EAPP: variants seen among roughly 807,000 people sequenced by gnomAD.
EAPP encodes E2F-associated phosphoprotein.
A neutral mutation model predicts 34.3 loss-of-function variants in EAPP; 38 were observed. The ratio of observed to expected loss-of-function variants is 1.11; its 90% CI spans 0.85 to 1.45. The LOEUF is 1.45. EAPP is among the 40% of genes most tolerant of loss of function. The pLI is 0.00. For missense variants in EAPP, 338 were observed against 343.7 expected, an observed-to-expected ratio of 0.98 and a Z score of 0.13; for synonymous variants, 113 against 117.6, an observed-to-expected ratio of 0.96 and a Z score of 0.25.
At chr14:34,523,525 C>T (rs1295933904) in intron 5 of EAPP, among the ~76,000 whole-genome samples, 4 of 110,558 alleles carry the variant, frequency 3.6e-5, no homozygotes, top group East Asian at 2.3e-4. Context: ...ACGCCCAGCC[C>T]GTTTTTTTTT....
At chr14:34,538,143 C>T (rs148867630) in intron 1 of EAPP, among the ~76,000 whole-genome samples, 250 of 152,178 alleles carry the variant, frequency 1.6e-3, no homozygotes, top group Middle Eastern at 3.4e-3. Flanking sequence ...TTTGGGAGCC[C>T]GACGCAGGCA....
At chr14:34,537,674 C>G (rs1880521025) in intron 1 of EAPP, among the ~76,000 whole-genome samples, 1 of 152,230 alleles carries the variant, frequency 6.6e-6, no homozygotes, top group South Asian at 2.1e-4. Flanking sequence ...TCTCCAAGCT[C>G]AAGTAGTCTT....
At chr14:34,537,664 T>C (rs923453751) in intron 1 of EAPP, among the ~76,000 whole-genome samples, 2 of 152,212 alleles carry the variant, frequency 1.3e-5, no homozygotes, top group Non-Finnish European at 2.9e-5. Flanking sequence ...AGAGGTGGAT[T>C]CTCCAAGCTC....
At chr14:34,534,621 T>A (rs1375574369) in intron 2 of EAPP, among the ~76,000 whole-genome samples, 9 of 152,204 alleles carry the variant, frequency 5.9e-5, no homozygotes, top group African/African-American at 2.2e-4. Context: ...GTGTCTTTTT[T>A]TTTTAACTCG....
chr14:34,526,054 T>A (rs1157484725), intron 4 of EAPP, among the ~76,000 whole-genome samples: 1 of 150,898 alleles, frequency 6.6e-6, no homozygotes, highest in Non-Finnish European at 1.5e-5. Flanking sequence ...TAATAATGTA[T>A]CAATATTAGT....
At chr14:34,521,510 T>G (rs1320980399) in intron 5 of EAPP, among the ~76,000 whole-genome samples, 1 of 150,126 alleles carries the variant, frequency 6.7e-6, no homozygotes, top group Non-Finnish European at 1.5e-5. Flanking sequence ...CTCCTCTGAT[T>G]GTGCATTTTC....
At chr14:34,519,872 G>A (rs924207298) in intron 5 of EAPP, among the ~76,000 whole-genome samples, 1 of 150,316 alleles carries the variant, frequency 6.7e-6, no homozygotes, top group African/African-American at 2.5e-5. Context: ...GTTATAACAA[G>A]GTTCTTTCTT....
intron 4 of EAPP, among the ~76,000 whole-genome samples, chr14:34,527,942 G>A (rs1056025075): frequency 4.6e-5 from 7 of 152,090 alleles, no homozygotes; most frequent in Admixed American, 1.3e-4. Context: ...CTTTTAAAGT[G>A]GGTACTTTTG....
intron 5 of EAPP, among the ~76,000 whole-genome samples, chr14:34,523,376 T>C (rs1879982213): frequency 6.6e-6 from 1 of 151,822 alleles, no homozygotes. Flanking sequence ...TAGCTGGGAC[T>C]ACAGGCGCCC....
At chr14:34,524,952 C>T in intron 4 of EAPP, 145 bp from the exon 5 acceptor site, 1 of 610,498 alleles carries the variant, frequency 1.6e-6, no homozygotes, top group East Asian at 2.8e-5. Flanking sequence ...CCTGGAGCAT[C>T]TTTTAGTGCC....
At chr14:34,536,052 A>G in intron 2 of EAPP, 42 bp downstream of exon 2, 1 of 1,491,982 alleles carries the variant, frequency 6.7e-7, no homozygotes, top group Non-Finnish European at 9.2e-7. Flanking sequence ...CTGCCCTTAC[A>G]GAGCTTACAA....
rs1353105058 is a variant in EAPP at position 34,539,334 on chromosome 14, G to A, written c.74+221C>T. The A allele has an allele frequency of 4.3e-6, 3 of 690,808 alleles. No homozygotes were observed. In the South Asian group the frequency reaches 4.5e-5, roughly 10 times the overall value. The allele number at this position is 690,808 out of a possible 1,614,324, so 42.8% of individuals were successfully genotyped here. On this transcript the variant is annotated intron_variant, in intron 1 of 5. Coordinates refer to ENST00000250454, the MANE Select transcript of EAPP (RefSeq NM_018453.4). ...TGAAGATTTACACGCGGTCCCCCGT[G>A]ATTCCGGAATATCCCTCTTCCTACA...
At position 34,529,439 on chromosome 14, in the gene EAPP, T is replaced by C. The variant is rs764935355; in HGVS notation, c.389A>G (p.Lys130Arg). Residue 130 changes from lysine (K) to arginine (R), a missense_variant, in exon 4 of 6, where the codon AAG becomes AGG. Coordinates refer to ENST00000250454, the MANE Select transcript of EAPP (RefSeq NM_018453.4). ...VTKKKKKKQH[K>R]IPTNDELLYD... ...CAGTAATTCGTCATTTGTTGGAATC[T>C]TGTGTTGTTTCTTCTTTTTTTTCTT... The C allele has an allele frequency of 5.0e-6, 8 of 1,613,072 alleles. No individual in the cohort carries two copies. Among genetic ancestry groups the C allele is most frequent in the South Asian group, 2.2e-5 (2 of 91,054 alleles).
At chr14:34,524,067 C>G (rs901509428) in intron 5 of EAPP, among the ~76,000 whole-genome samples, 1 of 151,594 alleles carries the variant, frequency 6.6e-6, no homozygotes, top group Admixed American at 6.6e-5. Flanking sequence ...ACCAACCTGG[C>G]CAACATGGTG....
At position 34,530,324 on chromosome 14, in the gene EAPP, G is replaced by C. The variant is rs574467714; in HGVS notation, c.353-849C>G. On this transcript the variant is annotated intron_variant, in intron 3 of 5. Coordinates refer to ENST00000250454, the MANE Select transcript of EAPP (RefSeq NM_018453.4). ...GAGACAAGAGGATCGCTTGAGGCCA[G>C]GAGTTCAAGACCAGCCTGGCCAGCA... Among the ~76,000 whole-genome samples, 4 of 152,228 alleles carry C rather than the reference G, an allele frequency of 2.6e-5. 1 individual carries two copies. Among genetic ancestry groups the C allele is most frequent in the African/African-American group, 9.6e-5 (4 of 41,568 alleles).
intron 3 of EAPP, 86 bp from the exon 4 acceptor site, chr14:34,529,561 C>A (rs1316862535): frequency 3.0e-6 from 3 of 1,015,808 alleles, no homozygotes; most frequent in Non-Finnish European, 4.4e-6. Flanking sequence ...TCCCAAGCTA[C>A]ACATTTATTT....
chr14:34,537,856 C>T (rs1453358407), intron 1 of EAPP, among the ~76,000 whole-genome samples: 2 of 152,082 alleles, frequency 1.3e-5, no homozygotes, highest in Non-Finnish European at 2.9e-5. Flanking sequence ...GGTCAGCTAC[C>T]GTGAAACAGT....
At chr14:34,523,153 A>G (rs965211099) in intron 5 of EAPP, among the ~76,000 whole-genome samples, 1 of 151,900 alleles carries the variant, frequency 6.6e-6, no homozygotes, top group Non-Finnish European at 1.5e-5. Flanking sequence ...TGATAGCTTC[A>G]GTGCTGTATA....
intron 1 of EAPP, among the ~76,000 whole-genome samples, chr14:34,537,601 G>C (rs1374678881): frequency 6.6e-6 from 1 of 152,196 alleles, no homozygotes; most frequent in East Asian, 1.9e-4. Context: ...TGAGGAATGA[G>C]ATAATGTCTC....
Sources: allele counts gnomAD v4.1 joint callset (sites outside exome capture counted in the v4.1 genomes callset), GRCh38; gene constraint gnomAD v4.1.1; transcripts MANE v1.5; gene names NCBI Gene and HGNC (gene_info 2026-07-23, HGNC 2026-07-21).